Variants in KLHL22 observed in about 807,000 individuals in gnomAD.
KLHL22 encodes kelch like family member 22.
KLHL22 carries 18 observed loss-of-function variants against 60.7 expected under a neutral mutation model. The ratio of observed to expected loss-of-function variants is 0.30; its 90% CI spans 0.20 to 0.44. The LOEUF is 0.44. KLHL22 is among the 20% of genes least tolerant of loss of function. KLHL22 has a pLI of 1.00. For missense variants in KLHL22, 596 were observed against 852.3 expected, an observed-to-expected ratio of 0.70 and a Z score of 3.74; for synonymous variants, 355 against 354.5, an observed-to-expected ratio of 1.00 and a Z score of -0.01.
intron 2 of KLHL22, chr22:20,475,417 G>C (rs998904854): frequency 6.6e-6 from 1 of 152,002 alleles, no homozygotes; most frequent in Non-Finnish European, 1.5e-5. Flanking sequence ...AAACATTTCC[G>C]ATATTTTCCT....
chr22:20,451,260 CTA>C (rs1486444535), intron 5 of KLHL22: 143 of 1,604,712 alleles, frequency 8.9e-5, no homozygotes, highest in Non-Finnish European at 1.1e-4. Flanking sequence ...GAGATTTGAT[CTA>C]TGTCTCTGGA....
intron 5 of KLHL22, chr22:20,456,501 C>G (rs978895154): frequency 6.6e-6 from 1 of 152,208 alleles, no homozygotes; most frequent in Non-Finnish European, 1.5e-5. Context: ...AAGCCCCTCC[C>G]ACAACACCCA....
chr22:20,445,123 C>T (rs1391058683), intron 6 of KLHL22, among the ~76,000 whole-genome samples: 2 of 151,862 alleles, frequency 1.3e-5, no homozygotes, highest in East Asian at 1.9e-4. Context: ...AGGCAGAAAA[C>T]ATACACGGTC....
At chr22:20,451,153 G>C in intron 5 of KLHL22, 1 of 1,579,410 alleles carries the variant, frequency 6.3e-7, no homozygotes, top group Admixed American at 1.7e-5. Flanking sequence ...CCTTAGTTCA[G>C]TGGAATGTCT....
intron 5 of KLHL22, among the ~76,000 whole-genome samples, chr22:20,449,954 G>A (rs1314332253): frequency 2.6e-5 from 4 of 152,104 alleles, no homozygotes; most frequent in Non-Finnish European, 4.4e-5. Context: ...CAGAGCCTCC[G>A]GGCCGGGGCG....
intron 2 of KLHL22, among the ~76,000 whole-genome samples, chr22:20,480,440 C>T (rs2053480057): frequency 6.6e-6 from 1 of 152,164 alleles, no homozygotes; most frequent in Admixed American, 6.6e-5. Context: ...CTCCACAGCA[C>T]AGAGAGTGAG....
At chr22:20,462,276 CAAA>C (rs361908) in intron 4 of KLHL22, among the ~76,000 whole-genome samples, 2 of 114,556 alleles carry the variant, frequency 1.7e-5, no homozygotes, top group Non-Finnish European at 1.7e-5. Context: ...GACTCTGTCT[CAAA>C]AAAAAAAAAA....
At chr22:20,457,734 A>T in intron 5 of KLHL22, 74 bp downstream of exon 5, 1 of 1,197,818 alleles carries the variant, frequency 8.3e-7, no homozygotes, top group Non-Finnish European at 1.2e-6. Context: ...CTTGACACCT[A>T]GGCCTCTCAC....
chr22:20,468,462 T>C (rs1211210859), intron 3 of KLHL22, among the ~76,000 whole-genome samples: 2 of 152,144 alleles, frequency 1.3e-5, no homozygotes, highest in African/African-American at 4.8e-5. Context: ...GGTAACCCAA[T>C]AGGACAGTGT....
chr22:20,447,825 G>A (rs181732758), intron 5 of KLHL22, among the ~76,000 whole-genome samples: 215 of 152,294 alleles, frequency 1.4e-3, no homozygotes, highest in African/African-American at 5.0e-3. Flanking sequence ...ATAGGCATGA[G>A]CCACCACGCC....
At chr22:20,492,895 ACCTG>A (rs1189574458) in intron 1 of KLHL22, among the ~76,000 whole-genome samples, 2 of 151,996 alleles carry the variant, frequency 1.3e-5, no homozygotes, top group Non-Finnish European at 2.9e-5. Flanking sequence ...CCCGGCCCAA[ACCTG>A]CCTATTTACC....
intron 1 of KLHL22, among the ~76,000 whole-genome samples, chr22:20,494,397 TAGAGA>T (rs985062907): frequency 1.9e-4 from 29 of 152,184 alleles, no homozygotes; most frequent in African/African-American, 5.3e-4. Flanking sequence ...ATTTTCTTTG[TAGAGA>T]AGAGGTTTCA....
intron 5 of KLHL22, chr22:20,450,495 A>G: frequency 1.2e-6 from 2 of 1,614,128 alleles, no homozygotes; most frequent in African/African-American, 1.3e-5. Flanking sequence ...GTGAGTTCTT[A>G]GAAAGTCAGT....
rs1315996555 is a variant in KLHL22 at position 20,465,503 on chromosome 22, T to C, written c.467A>G (p.Tyr156Cys). The C allele has an allele frequency of 1.2e-6, 2 of 1,611,506 alleles. No individual in the cohort carries two copies. Among genetic ancestry groups the C allele is most frequent in the African/African-American group, 1.3e-5 (1 of 74,976 alleles). Residue 156 changes from tyrosine to cysteine, a missense_variant, in exon 4 of 7, where the codon TAC (tyrosine) becomes TGC (cysteine). Transcript: ENST00000328879. The surrounding 1 kb of genome is among the most constrained non-coding windows in gnomAD (Gnocchi z 4.9). ...WVDEENILDVYRLAELFDLSR... is the reference protein window; with the variant it reads ...WVDEENILDVCRLAELFDLSR... ...CAAGTCAAACAGCTCTGCCAGCCGG[T>C]AGACATCGAGAATGTTCTCTTCGTC...
chr22:20,467,940 G>A (rs1027403390), intron 3 of KLHL22, among the ~76,000 whole-genome samples: 8 of 152,244 alleles, frequency 5.3e-5, no homozygotes, highest in African/African-American at 1.7e-4. Context: ...TTACAGGCGT[G>A]AGCCACGGCG....
intron 4 of KLHL22, among the ~76,000 whole-genome samples, chr22:20,458,974 C>T (rs970176822): frequency 1.3e-5 from 2 of 152,068 alleles, no homozygotes; most frequent in Non-Finnish European, 2.9e-5. Context: ...GGCAGGCCCA[C>T]GAGGGTGGAG....
chr22:20,483,517 A>G, intron 2 of KLHL22: 1 of 728,488 alleles, frequency 1.4e-6, no homozygotes, highest in Non-Finnish European at 2.5e-6. Flanking sequence ...CTCCAGCTAC[A>G]GCTGAGGGAC....
chr22:20,470,819 GATGGATGGATGCATGCATGC>G (rs1238586933), intron 3 of KLHL22, among the ~76,000 whole-genome samples: 10 of 143,760 alleles, frequency 7.0e-5, no homozygotes, highest in Non-Finnish European at 1.2e-4. Context: ...TGGATGGATG[GATGGATGGATGCATGCATGC>G]ATGGATGGAT....
chr22:20,479,579 T>A (rs1601377200), intron 2 of KLHL22, among the ~76,000 whole-genome samples: 1 of 151,996 alleles, frequency 6.6e-6, no homozygotes, highest in East Asian at 1.9e-4. Context: ...TGGTGGTGCA[T>A]GCCTATAGTC....
Sources: allele counts gnomAD v4.1 joint callset (sites outside exome capture counted in the v4.1 genomes callset), GRCh38; gene constraint gnomAD v4.1.1; non-coding constraint Gnocchi (gnomAD v3.1); transcripts MANE v1.5; gene names NCBI Gene and HGNC (gene_info 2026-07-23, HGNC 2026-07-21).